The following TTC23L variants were observed in gnomAD, a reference collection of about 807,000 sequenced individuals.
TTC23L encodes the protein tetratricopeptide repeat domain 23 like.
In TTC23L, 42 loss-of-function variants were observed where a neutral mutation model predicts 48.1. The ratio of observed to expected loss-of-function variants is 0.87; its 90% confidence interval spans 0.68 to 1.13. The LOEUF (loss-of-function observed/expected upper bound fraction) is 1.13. TTC23L is among the 50% of genes most tolerant of loss of function. The pLI, the probability that TTC23L is intolerant of heterozygous loss-of-function variation, is 0.00. For missense variants in TTC23L, 391 were observed against 421.0 expected (o/e 0.93, Z 0.62); for synonymous variants, 159 against 157.2 (o/e 1.01, Z -0.09).
At chr5:34,911,959 C>A in the TTC23L span, 1 of 951,672 alleles carries the variant, frequency 1.1e-6, no homozygotes, top group Non-Finnish European at 1.6e-6. Context: ...GGGATGACAT[C>A]TTCCCTGATG....
At chr5:34,868,964 T>G (rs1471465268) in exon 8 of TTC23L, 1 of 1,611,332 alleles carries the variant, frequency 6.2e-7, no homozygotes, top group Non-Finnish European at 8.5e-7. Context: ...CAGAAATGAG[T>G]GCGTTACTGG....
At chr5:34,907,536 T>C in the TTC23L span, 2 of 152,222 alleles carry the variant, frequency 1.3e-5, no homozygotes, top group African/African-American at 4.8e-5. Context: ...TTATTAAATA[T>C]ATTTATATGC....
At chr5:34,839,356 T>A (rs1395102806) in intron 1 of TTC23L, 97 bp downstream of exon 1, 1 of 152,814 alleles carries the variant, frequency 6.5e-6, no homozygotes. Context: ...TTCTCCGCCT[T>A]GAGCCAGGTG....
intron 4 of TTC23L, among the ~76,000 whole-genome samples, chr5:34,851,047 C>T (rs774415389): frequency 6.6e-6 from 1 of 152,170 alleles, no homozygotes; most frequent in East Asian, 1.9e-4. Flanking sequence ...GTACTGTGCT[C>T]ATATATGCTT....
At chr5:34,890,309 G>A (rs957892355) in intron 9 of TTC23L, among the ~76,000 whole-genome samples, 1 of 151,642 alleles carries the variant, frequency 6.6e-6, no homozygotes, top group African/African-American at 2.4e-5. Flanking sequence ...GCCAGGTGTG[G>A]TGGCATGTGC....
chr5:34,893,133 C>T (rs538430883), intron 9 of TTC23L, among the ~76,000 whole-genome samples: 8 of 151,972 alleles, frequency 5.3e-5, no homozygotes, highest in Non-Finnish European at 1.2e-4. Flanking sequence ...GAGGACAGAT[C>T]GAGAAGCTAT....
chr5:34,858,062 G>A (rs1382761076), intron 4 of TTC23L, among the ~76,000 whole-genome samples: 1 of 152,178 alleles, frequency 6.6e-6, no homozygotes, highest in African/African-American at 2.4e-5. Context: ...TGATTGATAT[G>A]TTTGTTGGAC....
At chr5:34,896,487 T>C (rs1212139021) in intron 9 of TTC23L, among the ~76,000 whole-genome samples, 1 of 152,194 alleles carries the variant, frequency 6.6e-6, no homozygotes, top group African/African-American at 2.4e-5. Context: ...CACTTAAACA[T>C]TGAGTCTCAG....
chr5:34,902,419 A>T, downstream of TTC23L: 1 of 394,644 alleles, frequency 2.5e-6, no homozygotes. Flanking sequence ...TCCCTCTAAA[A>T]AATAAATTAA....
At chr5:34,920,897 C>T in the TTC23L span, 16 of 151,974 alleles carry the variant, frequency 1.1e-4, no homozygotes, top group African/African-American at 3.6e-4. Flanking sequence ...AAAAGTCTCT[C>T]TCTGTTACCC....
At chr5:34,845,542 G>C (rs748212978) in exon 3 of TTC23L, 1 of 1,613,894 alleles carries the variant, frequency 6.2e-7, no homozygotes, top group South Asian at 1.1e-5. Context: ...GTATCCCACT[G>C]GTGGGTGTGG....
At chr5:34,900,441 C>A (rs143542077), downstream of TTC23L, among the ~76,000 whole-genome samples, 204 of 150,864 alleles carry the variant, frequency 1.4e-3, no homozygotes, top group African/African-American at 4.8e-3. Context: ...GTCGAGGCTG[C>A]AGTGAGCTGA....
At chr5:34,857,937 GCTTT>G (rs1401761439) in intron 4 of TTC23L, among the ~76,000 whole-genome samples, 1 of 152,070 alleles carries the variant, frequency 6.6e-6, no homozygotes, top group Non-Finnish European at 1.5e-5. Flanking sequence ...AAAGGTGACT[GCTTT>G]CTGGTGACAA....
chr5:34,857,834 A>G (rs1760252529), intron 4 of TTC23L, among the ~76,000 whole-genome samples: 1 of 152,222 alleles, frequency 6.6e-6, no homozygotes, highest in South Asian at 2.1e-4. Context: ...AGTCATAATG[A>G]CTAAACAAGG....
chr5:34,877,995 G>A (rs1209577259), intron 8 of TTC23L, among the ~76,000 whole-genome samples: 1 of 152,184 alleles, frequency 6.6e-6, no homozygotes, highest in Non-Finnish European at 1.5e-5. Flanking sequence ...CAGGATACAA[G>A]TTTAATATGC....
intron 4 of TTC23L, among the ~76,000 whole-genome samples, chr5:34,852,360 A>G (rs1759748003): frequency 6.6e-6 from 1 of 152,242 alleles, no homozygotes; most frequent in Non-Finnish European, 1.5e-5. Flanking sequence ...CTTAGGACAG[A>G]CAGCTCATGT....
chr5:34,884,279 C>T (rs1281016810), intron 9 of TTC23L, among the ~76,000 whole-genome samples: 1 of 152,114 alleles, frequency 6.6e-6, no homozygotes, highest in Non-Finnish European at 1.5e-5. Flanking sequence ...AAAGGCCATA[C>T]ATATATGCAA....
At chr5:34,907,210 G>GGCATTCCAATATATCCTCCAATTT in the TTC23L span, 1 of 152,092 alleles carries the variant, frequency 6.6e-6, no homozygotes. Flanking sequence ...ATTAAGGTAG[G>GGCATTCCAATATATCCTCCAATTT]GCATTCCAAT....
chr5:34,915,757 A>G, the TTC23L span: 1 of 1,603,964 alleles, frequency 6.2e-7, no homozygotes, highest in Non-Finnish European at 8.5e-7. Flanking sequence ...AACCAAGAGG[A>G]AACGGCGTGG....
Sources: allele counts gnomAD v4.1 joint callset (sites outside exome capture counted in the v4.1 genomes callset), GRCh38; gene constraint gnomAD v4.1.1; transcripts MANE v1.5; gene names NCBI Gene and HGNC (gene_info 2026-07-23, HGNC 2026-07-21).